Variants in GALNT13 observed in about 807,000 individuals in gnomAD.
The protein encoded by GALNT13 is polypeptide N-acetylgalactosaminyltransferase 13, also known as UDP-GalNAc:polypeptide N-acetylgalactosaminyltransferase 13.
Under a neutral mutation model 64.2 loss-of-function variants are expected in GALNT13, and 28 were observed. The observed-to-expected ratio is 0.44, with a 90% CI of 0.32 to 0.60. The LOEUF (loss-of-function observed/expected upper bound fraction) is 0.60. Ranked by LOEUF, GALNT13 falls within the 20% of genes least tolerant of loss-of-function variation. The probability of loss-of-function intolerance (pLI) is 0.05; values close to 1 mark genes in which losing one functional copy is unlikely to be tolerated. For synonymous variants in GALNT13, 214 were observed against 224.6 expected (o/e 0.95, Z 0.42); for missense variants, 577 against 669.8 (o/e 0.86, Z 1.53).
At chr2:153,093,514 C>T in the GALNT13 span, among the ~76,000 whole-genome samples, 4 of 152,100 alleles carry the variant, frequency 2.6e-5, 1 homozygote, top group Admixed American at 1.3e-4. Flanking sequence ...GCTAGGATTA[C>T]AGGCATGAGC....
chr2:153,193,843 C>T, the GALNT13 span, among the ~76,000 whole-genome samples: 1 of 152,114 alleles, frequency 6.6e-6, no homozygotes, highest in Non-Finnish European at 1.5e-5. Flanking sequence ...ATTTCACCTT[C>T]ATTTGTGGAA....
chr2:153,341,770 A>G, the GALNT13 span, among the ~76,000 whole-genome samples: 1 of 152,128 alleles, frequency 6.6e-6, no homozygotes, highest in South Asian at 2.1e-4. Flanking sequence ...AAAAAATATA[A>G]TTGTTATGGA....
At chr2:153,683,863 C>A in the GALNT13 span, among the ~76,000 whole-genome samples, 2 of 151,598 alleles carry the variant, frequency 1.3e-5, no homozygotes, top group African/African-American at 4.8e-5. Context: ...TTCCTAGGAA[C>A]TTTTGTGTTT....
intron 9 of GALNT13, among the ~76,000 whole-genome samples, chr2:154,328,489 G>C (rs989977715): frequency 6.6e-6 from 1 of 152,014 alleles, no homozygotes; most frequent in Non-Finnish European, 1.5e-5. Context: ...TGATGCTGCT[G>C]TGATCATTAT....
intron 9 of GALNT13, among the ~76,000 whole-genome samples, chr2:154,354,101 T>A (rs539225102): frequency 5.9e-4 from 90 of 152,286 alleles, no homozygotes; most frequent in African/African-American, 1.7e-3. Context: ...AAGAGCCATA[T>A]TAATGGGTGT....
intron 9 of GALNT13, among the ~76,000 whole-genome samples, chr2:154,371,257 A>G (rs1344138519): frequency 2.0e-5 from 3 of 152,092 alleles, no homozygotes; most frequent in Non-Finnish European, 4.4e-5. Context: ...AACTTTAGAG[A>G]ATTTCCAATG....
chr2:153,715,469 C>T, the GALNT13 span, among the ~76,000 whole-genome samples: 7 of 152,352 alleles, frequency 4.6e-5, no homozygotes, highest in South Asian at 1.4e-3. Flanking sequence ...TGCCTTTTAG[C>T]AGCTTTAAAT....
the GALNT13 span, among the ~76,000 whole-genome samples, chr2:153,804,848 A>T: frequency 6.6e-6 from 1 of 152,134 alleles, no homozygotes; most frequent in Non-Finnish European, 1.5e-5. Context: ...AAAATATGCA[A>T]TTTTACATTT....
the GALNT13 span, among the ~76,000 whole-genome samples, chr2:153,097,338 G>A: frequency 6.6e-6 from 1 of 151,934 alleles, no homozygotes; most frequent in East Asian, 1.9e-4. Flanking sequence ...GTTTTTCTGT[G>A]TACTTACTAT....
the GALNT13 span, chr2:153,478,720 T>C: frequency 3.1e-6 from 2 of 650,176 alleles, no homozygotes; most frequent in African/African-American, 3.8e-5. Context: ...CCGTGGGAGT[T>C]TCCCAGGAGC....
At chr2:153,890,526 G>T (rs1186360013) in intron 1 of GALNT13, among the ~76,000 whole-genome samples, 1 of 151,948 alleles carries the variant, frequency 6.6e-6, no homozygotes, top group African/African-American at 2.4e-5. Flanking sequence ...ACTTTTTCCC[G>T]TGTTGCTTTC....
At chr2:153,499,815 C>A in the GALNT13 span, among the ~76,000 whole-genome samples, 1 of 152,214 alleles carries the variant, frequency 6.6e-6, no homozygotes, top group Non-Finnish European at 1.5e-5. Flanking sequence ...GCAGTGGGAG[C>A]AGGCACTTCT....
chr2:153,146,171 G>GT, the GALNT13 span, among the ~76,000 whole-genome samples: 17,328 of 139,204 alleles, frequency 0.12, 1,039 homozygotes, highest in African/African-American at 0.17. Flanking sequence ...TTTATGGAGG[G>GT]TTTTTTTTTT....
At chr2:153,250,142 A>G in the GALNT13 span, among the ~76,000 whole-genome samples, 2 of 152,252 alleles carry the variant, frequency 1.3e-5, no homozygotes, top group African/African-American at 4.8e-5. Context: ...CATCCATCTG[A>G]CAAAGGTCTA....
intron 4 of GALNT13, among the ~76,000 whole-genome samples, chr2:154,209,048 C>T (rs150682872): frequency 1.0e-3 from 152 of 151,904 alleles, no homozygotes; most frequent in African/African-American, 3.5e-3. Flanking sequence ...GCCCTAATTC[C>T]AGATCAAAGA....
At chr2:154,333,284 C>T (rs1365110807) in intron 9 of GALNT13, among the ~76,000 whole-genome samples, 2 of 151,892 alleles carry the variant, frequency 1.3e-5, no homozygotes, top group Admixed American at 6.6e-5. Context: ...TAAATGTATA[C>T]ATATATGTAA....
chr2:154,177,062 C>G (rs1002684918), intron 4 of GALNT13, among the ~76,000 whole-genome samples: 9 of 152,090 alleles, frequency 5.9e-5, no homozygotes, highest in African/African-American at 2.2e-4. Flanking sequence ...AAGAACCATA[C>G]ATAATGTTCA....
At chr2:153,938,660 T>G (rs528367648) in intron 2 of GALNT13, among the ~76,000 whole-genome samples, 123 of 152,254 alleles carry the variant, frequency 8.1e-4, no homozygotes, top group African/African-American at 2.3e-3. Flanking sequence ...AAGTCCAAAA[T>G]CAAGATGTCA....
intron 4 of GALNT13, among the ~76,000 whole-genome samples, chr2:154,224,520 T>C (rs988041437): frequency 3.3e-5 from 5 of 152,038 alleles, no homozygotes; most frequent in Admixed American, 6.6e-5. Context: ...TTCGTCTTGC[T>C]GGATATTAAA....
Sources: gnomAD v4.1 joint callset for allele counts (sites outside exome capture counted in the v4.1 genomes callset) on GRCh38, gnomAD v4.1.1 for gene constraint, MANE v1.5 for transcripts, NCBI Gene and HGNC (gene_info 2026-07-23, HGNC 2026-07-21) for gene names.